The following PGM2L1 variants were observed in gnomAD, a reference collection of about 807,000 sequenced individuals.
The protein encoded by PGM2L1 is phosphoglucomutase 2 like 1.
In PGM2L1, 35 loss-of-function variants were observed where a neutral mutation model predicts 73.4. The ratio of observed to expected loss-of-function variants is 0.48; its 90% CI spans 0.36 to 0.63. PGM2L1 has a LOEUF of 0.63. Ranked by LOEUF, PGM2L1 falls within the 30% of genes least tolerant of loss-of-function variation. PGM2L1 has a pLI of 0.00. For synonymous variants in PGM2L1, 225 were observed against 253.8 expected (o/e 0.89, Z 1.08); for missense variants, 570 against 742.0 (o/e 0.77, Z 2.69).
intron 9 of PGM2L1, among the ~76,000 whole-genome samples, chr11:74,344,485 G>C (rs960794812): frequency 6.6e-6 from 1 of 151,916 alleles, no homozygotes; most frequent in Non-Finnish European, 1.5e-5. Flanking sequence ...GACACAGAAA[G>C]AGTTTCAGAG....
intron 1 of PGM2L1, among the ~76,000 whole-genome samples, chr11:74,375,247 A>T (rs1862838669): frequency 6.6e-6 from 1 of 152,156 alleles, no homozygotes; most frequent in South Asian, 2.1e-4. Flanking sequence ...CATTCCAAAC[A>T]CGGTTTGTGA....
intron 8 of PGM2L1, 125 bp from the exon 9 acceptor site, chr11:74,345,774 GA>G: frequency 1.2e-6 from 1 of 819,628 alleles, no homozygotes; most frequent in Non-Finnish European, 1.9e-6. Flanking sequence ...GGATTTTTGA[GA>G]AAACATTTAT....
intron 6 of PGM2L1, among the ~76,000 whole-genome samples, chr11:74,349,722 A>T (rs1174632206): frequency 1.3e-5 from 2 of 152,184 alleles, no homozygotes; most frequent in African/African-American, 4.8e-5. Context: ...ATTTAAAATT[A>T]TAATTTTAAA....
At chr11:74,382,087 A>G (rs892554474) in intron 1 of PGM2L1, among the ~76,000 whole-genome samples, 2 of 152,214 alleles carry the variant, frequency 1.3e-5, no homozygotes, top group Non-Finnish European at 2.9e-5. Flanking sequence ...AAACTTGATT[A>G]AGAGTTTTTA....
chr11:74,396,605 G>T (rs1453629561), intron 1 of PGM2L1, among the ~76,000 whole-genome samples: 4 of 151,948 alleles, frequency 2.6e-5, no homozygotes, highest in Non-Finnish European at 5.9e-5. Context: ...TAGTAGAGAC[G>T]GGGTTTCACC....
At position 74,336,460 on chromosome 11, in the gene PGM2L1, C is replaced by T; in HGVS notation, c.*192G>A. The T allele has an allele frequency of 2.6e-6, 1 of 384,070 alleles. No homozygotes were observed. Among genetic ancestry groups the T allele is most frequent in the African/African-American group, 2.1e-5 (1 of 48,240 alleles). 23.8% of individuals were successfully genotyped at this position (384,070 alleles called of 1,614,324 possible). A position where few individuals can be genotyped will look rare whatever the true frequency, so the allele number is the denominator to read the frequency against. ...TTATGAAAAAATTTGAATCATTTCC[C>T]TCTAGACCATTTCATTTCAAACTTA... is the stretch of plus-strand genomic sequence containing the variant. On this transcript the variant is annotated 3_prime_UTR_variant, in exon 14 of 14. Coordinates refer to ENST00000298198, the MANE Select transcript of PGM2L1 (RefSeq NM_173582.6).
intron 8 of PGM2L1, among the ~76,000 whole-genome samples, 182 bp from the exon 9 acceptor site, chr11:74,345,831 T>C: frequency 6.6e-6 from 1 of 152,210 alleles, no homozygotes; most frequent in East Asian, 1.9e-4. Flanking sequence ...ACGGTAGGAA[T>C]GGTACAACGT....
chr11:74,389,868 C>G (rs1035780550), intron 1 of PGM2L1, among the ~76,000 whole-genome samples: 8 of 144,738 alleles, frequency 5.5e-5, no homozygotes, highest in African/African-American at 1.0e-4. Flanking sequence ...CTTTGTGAGG[C>G]CGAGGCGGGC....
At chr11:74,351,926 C>T (rs532672078) in intron 5 of PGM2L1, among the ~76,000 whole-genome samples, 2 of 149,706 alleles carry the variant, frequency 1.3e-5, no homozygotes, top group South Asian at 4.2e-4. Flanking sequence ...AGCGCCACCA[C>T]ACTCCAGCCT....
chr11:74,390,905 A>C (rs1863092318), intron 1 of PGM2L1, among the ~76,000 whole-genome samples: 1 of 152,206 alleles, frequency 6.6e-6, no homozygotes, highest in African/African-American at 2.4e-5. Flanking sequence ...AGATTAGTCA[A>C]ATTCATAGAA....
chr11:74,363,907 A>C (rs1256706111), intron 5 of PGM2L1, among the ~76,000 whole-genome samples: 4 of 151,414 alleles, frequency 2.6e-5, no homozygotes, highest in African/African-American at 9.7e-5. Context: ...GAGACACAAC[A>C]AAAAAAAAGA....
At chr11:74,391,661 G>C (rs1362216782) in intron 1 of PGM2L1, among the ~76,000 whole-genome samples, 4 of 151,966 alleles carry the variant, frequency 2.6e-5, no homozygotes, top group Admixed American at 2.6e-4. Context: ...ACTTAACTCA[G>C]TTTTTTTCCT....
In PGM2L1 at chr11:74,369,077, A is replaced by G. The variant is rs148062880; in HGVS notation, c.472-502T>C. 5.3e-5 allele frequency among the ~76,000 whole-genome samples: 8 copies of G among 152,334 alleles called. No homozygotes were observed. The East Asian group carries it at 1.5e-3, about 29-fold the overall frequency. On this transcript the variant is annotated intron_variant, in intron 4 of 13. Transcript: ENST00000298198. The stretch of plus-strand genomic sequence containing the variant: ...GGTAATATTAGCCATAACTGCATCA[A>G]GTACACACTTGGCTTCTAACTCTTC...
chr11:74,337,558 T>C (rs1862116838), intron 13 of PGM2L1, among the ~76,000 whole-genome samples: 1 of 152,208 alleles, frequency 6.6e-6, no homozygotes, highest in Non-Finnish European at 1.5e-5. Context: ...TACAATATTA[T>C]AGGAGACAGT....
chr11:74,369,216 A>G (rs533311044), intron 4 of PGM2L1, among the ~76,000 whole-genome samples: 1 of 152,296 alleles, frequency 6.6e-6, no homozygotes, highest in African/African-American at 2.4e-5. Context: ...CTTAGCGCTC[A>G]CACAAACTGC....
At chr11:74,389,558 TCCTG>T (rs981590081) in intron 1 of PGM2L1, among the ~76,000 whole-genome samples, 4 of 151,700 alleles carry the variant, frequency 2.6e-5, no homozygotes, top group Admixed American at 2.0e-4. Flanking sequence ...CCAGTGATTC[TCCTG>T]CCTGTCTCCT....
chr11:74,359,170 G>A (rs1862511817), intron 5 of PGM2L1, among the ~76,000 whole-genome samples: 1 of 151,998 alleles, frequency 6.6e-6, no homozygotes, highest in African/African-American at 2.4e-5. Flanking sequence ...CTATATAGAT[G>A]AATCATAATT....
intron 1 of PGM2L1, among the ~76,000 whole-genome samples, chr11:74,377,352 C>T (rs529458521): frequency 1.7e-4 from 26 of 152,192 alleles, no homozygotes; most frequent in African/African-American, 6.0e-4. Context: ...CCAGGATGGT[C>T]TCGATCTCCT....
intron 5 of PGM2L1, chr11:74,354,346 A>C: frequency 5.6e-6 from 3 of 531,724 alleles, no homozygotes; most frequent in Non-Finnish European, 9.9e-6. Flanking sequence ...AAATGTGTGA[A>C]AAATCTAGTT....
Sources: gnomAD v4.1 joint callset for allele counts (sites outside exome capture counted in the v4.1 genomes callset) on GRCh38, gnomAD v4.1.1 for gene constraint, MANE v1.5 for transcripts, NCBI Gene and HGNC (gene_info 2026-07-23, HGNC 2026-07-21) for gene names.